GLT1D1: variants seen among roughly 807,000 people sequenced by gnomAD.
GLT1D1 encodes the protein glycosyltransferase 1 domain containing 1.
GLT1D1 carries 21 observed loss-of-function variants against 28.7 expected under a neutral mutation model. The ratio of observed to expected loss-of-function variants is 0.73; its 90% CI spans 0.52 to 1.05. The LOEUF (loss-of-function observed/expected upper bound fraction) is 1.05. GLT1D1 is among the 50% of genes least tolerant of loss of function. GLT1D1 has a pLI of 0.00. For synonymous variants in GLT1D1, 147 were observed against 124.8 expected, an observed-to-expected ratio of 1.18 and a Z score of -1.19; for missense variants, 343 against 330.6, an observed-to-expected ratio of 1.04 and a Z score of -0.29.
chr12:128,874,914 T>G (rs988399216), intron 1 of GLT1D1, among the ~76,000 whole-genome samples: 1 of 152,248 alleles, frequency 6.6e-6, no homozygotes. Context: ...AGTTTCTCAT[T>G]TGTCTTCTGA....
chr12:128,927,423 A>G (rs1873340101), intron 4 of GLT1D1, among the ~76,000 whole-genome samples: 1 of 151,886 alleles, frequency 6.6e-6, no homozygotes, highest in African/African-American at 2.4e-5. Flanking sequence ...TATTTTTAGT[A>G]GAGACAGGGT....
intron 7 of GLT1D1, among the ~76,000 whole-genome samples, chr12:128,975,132 T>G (rs74502550): frequency 0.011 from 1,723 of 152,292 alleles, 35 homozygotes; most frequent in African/African-American, 0.04. Flanking sequence ...GCCTGTTAGA[T>G]ACACGCTCAG....
At chr12:128,875,054 T>TTGTGTGTG (rs376956933) in intron 1 of GLT1D1, among the ~76,000 whole-genome samples, 5,791 of 143,828 alleles carry the variant, frequency 0.04, 218 homozygotes, top group Admixed American at 0.11. Context: ...GACATAAATA[T>TTGTGTGTG]TGTGTGTGTG....
chr12:128,907,303 CTTT>C (rs11341281), intron 4 of GLT1D1, among the ~76,000 whole-genome samples: 3,809 of 115,792 alleles, frequency 0.033, 105 homozygotes, highest in African/African-American at 0.093. Context: ...GGAAGCTAAT[CTTT>C]TTTTTTTTTT....
At chr12:128,871,974 C>T (rs541496523) in intron 1 of GLT1D1, among the ~76,000 whole-genome samples, 108 of 151,958 alleles carry the variant, frequency 7.1e-4, no homozygotes, top group Middle Eastern at 3.4e-3. Context: ...ATTTTTGAGA[C>T]GGAGTCTCGC....
At chr12:128,954,656 G>A (rs1476245019) in intron 6 of GLT1D1, among the ~76,000 whole-genome samples, 2 of 152,130 alleles carry the variant, frequency 1.3e-5, no homozygotes, top group African/African-American at 2.4e-5. Flanking sequence ...GTAGTATTAA[G>A]CCATTTAATC....
intron 1 of GLT1D1, among the ~76,000 whole-genome samples, chr12:128,857,168 A>C (rs1805121095): frequency 6.6e-6 from 1 of 152,190 alleles, no homozygotes; most frequent in Non-Finnish European, 1.5e-5. Flanking sequence ...TCAGAGGTGA[A>C]TTAATAGAAA....
At position 128,903,792 on chromosome 12, in the gene GLT1D1, G is replaced by A. The variant is rs188277390; in HGVS notation, c.375+4505G>A. Among the ~76,000 whole-genome samples, 265 of 151,650 alleles carry A rather than the reference G, an allele frequency of 1.7e-3. 10 individuals are homozygous for A. Among genetic ancestry groups the A allele is most frequent in the African/African-American group, 5.9e-3 (241 of 41,106 alleles). On this transcript the variant is annotated intron_variant, in intron 4 of 7. Transcript: ENST00000281703. ...GTCACCCAAGGTGAAGTACAGTGGC[G>A]CAATCTCAGCTCACTGCAACCTCTG...
At position 128,925,487 on chromosome 12, in the gene GLT1D1, T is replaced by C. The variant is rs1873112614; in HGVS notation, c.376-19839T>C. 1.3e-5 allele frequency among the ~76,000 whole-genome samples: 2 copies of C among 152,226 alleles called. 1 individual carries two copies. The highest frequency in any genetic ancestry group is 4.1e-4 in the South Asian group (2 of 4,832). On this transcript the variant is annotated intron_variant, in intron 4 of 7. Coordinates refer to ENST00000281703, the MANE Select transcript of GLT1D1 (RefSeq NM_144669.3). Reference sequence around the variant, plus strand: ...TGCTGAGGATAATGGCTCCCAACTCTATCCATGTCCCTGCAAAGGACATGA... The same window carrying C: ...TGCTGAGGATAATGGCTCCCAACTCCATCCATGTCCCTGCAAAGGACATGA...
chr12:128,942,180 G>A (rs12297489), intron 4 of GLT1D1, among the ~76,000 whole-genome samples: 75 of 151,840 alleles, frequency 4.9e-4, no homozygotes, highest in African/African-American at 1.8e-3. Flanking sequence ...GTGGGGTGGA[G>A]CAGGCCCTGT....
intron 1 of GLT1D1, among the ~76,000 whole-genome samples, chr12:128,858,012 T>C (rs1232025217): frequency 6.6e-6 from 1 of 152,216 alleles, no homozygotes; most frequent in Non-Finnish European, 1.5e-5. Flanking sequence ...AAGTTTGCTT[T>C]GTGGCTCAGT....
intron 4 of GLT1D1, among the ~76,000 whole-genome samples, chr12:128,942,743 G>GTTTT (rs1254764237): frequency 4.0e-5 from 4 of 100,880 alleles, no homozygotes; most frequent in African/African-American, 1.3e-4. Context: ...TTGTTTGTTT[G>GTTTT]TTTTTGTTTT....
chr12:128,869,705 G>T (rs1316382283), intron 1 of GLT1D1, among the ~76,000 whole-genome samples: 3 of 152,012 alleles, frequency 2.0e-5, no homozygotes, highest in Admixed American at 2.0e-4. Context: ...TGCCCCAGGT[G>T]GCTTTCTTTA....
rs114010947 is a variant in GLT1D1, at chr12:128,917,079, C to T, written c.375+17792C>T. On this transcript the variant is annotated intron_variant, in intron 4 of 7. Coordinates refer to ENST00000281703, the MANE Select transcript of GLT1D1 (RefSeq NM_144669.3). The stretch of plus-strand genomic sequence containing the variant: ...TTTCTTAACAATATCCAGATGGTTC[C>T]GGCGTCATTTATTGGAAATGTTTTT... Among the ~76,000 whole-genome samples, 559 of 152,152 alleles carry T rather than the reference C, an allele frequency of 3.7e-3. 1 individual carries two copies. The highest frequency in any genetic ancestry group is 0.013 in the African/African-American group (530 of 41,492).
Position 128,945,502 on chromosome 12 carries a change from C to A in GLT1D1, c.419+133C>A, listed in dbSNP as rs532080821. The A allele has an allele frequency of 9.0e-6, 7 of 779,936 alleles. No individual in the cohort carries two copies. In the Admixed American group the frequency reaches 1.2e-4, roughly 13 times the overall value. 48.3% of individuals were successfully genotyped at this position (779,936 alleles called of 1,614,324 possible). Reference sequence around the variant, plus strand: ...CCAACTGTTTCCTCATGCATCTTCCCGGCGAGCCCGTGGCATCCTAGGCAC... The same window carrying A: ...CCAACTGTTTCCTCATGCATCTTCCAGGCGAGCCCGTGGCATCCTAGGCAC... On this transcript the variant is annotated intron_variant, in intron 5 of 7. Coordinates refer to ENST00000281703, the MANE Select transcript of GLT1D1 (RefSeq NM_144669.3).
chr12:128,882,135 G>T (rs1354681980), intron 2 of GLT1D1, among the ~76,000 whole-genome samples: 2 of 152,098 alleles, frequency 1.3e-5, no homozygotes, highest in East Asian at 3.8e-4. Context: ...TGGAGAAGTG[G>T]AAGTTTGCTT....
chr12:128,982,160 C>T (rs532033419), intron 7 of GLT1D1, among the ~76,000 whole-genome samples: 9 of 152,206 alleles, frequency 5.9e-5, no homozygotes, highest in African/African-American at 1.9e-4. Context: ...GAAGCTGAGC[C>T]GCGGGAGGAA....
At chr12:128,946,504 G>A (rs668600) in intron 5 of GLT1D1, among the ~76,000 whole-genome samples, 43,254 of 151,236 alleles carry the variant, frequency 0.29, 6,261 homozygotes, top group Middle Eastern at 0.36. Context: ...CCGCCGCTGC[G>A]CCCGGCTAAT....
chr12:128,895,588 C>G (rs1249989510), intron 3 of GLT1D1, among the ~76,000 whole-genome samples: 1 of 151,882 alleles, frequency 6.6e-6, no homozygotes, highest in Non-Finnish European at 1.5e-5. Context: ...TTCTGAGTAG[C>G]TGGGATTACA....
Sources: allele counts gnomAD v4.1 joint callset (sites outside exome capture counted in the v4.1 genomes callset), GRCh38; gene constraint gnomAD v4.1.1; transcripts MANE v1.5; gene names NCBI Gene and HGNC (gene_info 2026-07-23, HGNC 2026-07-21).